The following IGSF9B variants were observed in gnomAD, a reference collection of about 807,000 sequenced individuals.
IGSF9B encodes immunoglobulin superfamily member 9B.
Under a neutral mutation model 143.7 loss-of-function variants are expected in IGSF9B, and 48 were observed. The observed-to-expected ratio is 0.33, with a 90% CI of 0.26 to 0.42. The LOEUF is 0.42. Ranked by LOEUF, IGSF9B falls within the 20% of genes least tolerant of loss-of-function variation. The probability of loss-of-function intolerance (pLI) is 1.00; values close to 1 mark genes in which losing one functional copy is unlikely to be tolerated. For missense variants in IGSF9B, 1,706 were observed against 1,980.0 expected, an observed-to-expected ratio of 0.86 and a Z score of 2.63; for synonymous variants, 903 against 833.1, an observed-to-expected ratio of 1.08 and a Z score of -1.44.
chr11:133,938,656 G>A (rs186305294), intron 3 of IGSF9B, among the ~76,000 whole-genome samples: 314 of 152,192 alleles, frequency 2.1e-3, no homozygotes, highest in Non-Finnish European at 4.0e-3. Context: ...GAAGCAATCC[G>A]GTCAATCTTA....
intron 18 of IGSF9B, among the ~76,000 whole-genome samples, chr11:133,915,338 G>A (rs1339979333): frequency 1.4e-5 from 2 of 139,478 alleles, no homozygotes; most frequent in Non-Finnish European, 3.0e-5. Flanking sequence ...GCGCAATCTC[G>A]GCTCACTGCT....
In IGSF9B at chr11:133,925,762, A is replaced by T; in HGVS notation, c.2011T>A (p.Phe671Ile). 6.2e-7 allele frequency: 1 copy of T among 1,613,454 alleles called. No individual in the cohort carries two copies. Among genetic ancestry groups the T allele is most frequent in the Non-Finnish European group, 8.5e-7 (1 of 1,179,764 alleles). Residue 671 changes from phenylalanine to isoleucine, a missense_variant, in exon 14 of 20, where the codon TTC becomes ATC. Physicochemically the swap from Phe to Ile is conservative, Grantham distance 21. Around this residue, in one of 7 missense-constraint regions of IGSF9B, gnomAD observed 267 missense variants for 321.1 expected, o/e 0.83. Transcript: ENST00000533871. The part of the protein sequence containing the change: ...DDGIPGTEGE[F>I]FAKDLSQDTW... ...ACCTGTGACAGATCCTTGGCAAAGAACTCTCCTTCGGTGCCGGGGATGCCA... is the reference window on the plus strand; with the variant it reads ...ACCTGTGACAGATCCTTGGCAAAGATCTCTCCTTCGGTGCCGGGGATGCCA...
Position 133,908,035 on chromosome 11 carries a change from C to A in IGSF9B, c.*1034G>T, listed in dbSNP as rs1275751358. Among the ~76,000 whole-genome samples, 1 of 152,222 alleles carries A rather than the reference C, an allele frequency of 6.6e-6. No homozygotes were observed. The highest frequency in any genetic ancestry group is 2.4e-5 in the African/African-American group (1 of 41,456). On this transcript the variant is annotated 3_prime_UTR_variant, in exon 20 of 20. Coordinates refer to ENST00000533871, the MANE Select transcript of IGSF9B (RefSeq NM_001277285.4). Reference sequence around the variant, plus strand: ...GAACAGCACTGCACAGAGTGCTGAGCCGGGGACGGTATAAATAGAGCCGGC... The same window carrying A: ...GAACAGCACTGCACAGAGTGCTGAGACGGGGACGGTATAAATAGAGCCGGC...
In IGSF9B at chr11:133,937,924, G is replaced by C; in HGVS notation, c.447C>G (p.Ile149Met). ...TGATACTACCACCCTCCTTGGCCTC[G>C]ATGTACTGGGGGGGTGTTTCTGTAA... ...PTFTETPPQYIEAKEGGSITM... is the reference protein window; with the variant it reads ...PTFTETPPQYMEAKEGGSITM... Residue 149 changes from isoleucine (I) to methionine (M), a missense_variant, in exon 4 of 20, where the codon ATC (isoleucine) becomes ATG (methionine). By Grantham distance (10) the Ile-to-Met change is conservative (BLOSUM62 1). Transcript: ENST00000533871. 1 of 1,612,754 alleles carries C rather than the reference G, an allele frequency of 6.2e-7. No individual in the cohort carries two copies. Among genetic ancestry groups the C allele is most frequent in the Non-Finnish European group, 8.5e-7 (1 of 1,179,404 alleles).
In IGSF9B at chr11:133,907,873, C is replaced by T. The variant is rs1476265020; in HGVS notation, c.*1196G>A. ...GCTCAGGTCCACCGGAGGACGAAGG[C>T]CCCGGGGCAGAGAAGAGTCGGCAGG... is the stretch of plus-strand genomic sequence containing the variant. On this transcript the variant is annotated 3_prime_UTR_variant, in exon 20 of 20. Transcript: ENST00000533871. Among the ~76,000 whole-genome samples, 1 of 152,202 alleles carries T rather than the reference C, an allele frequency of 6.6e-6. No individual in the cohort carries two copies. The highest frequency in any genetic ancestry group is 2.4e-5 in the African/African-American group (1 of 41,462).
In IGSF9B at chr11:133,919,962, T is replaced by G. The variant is rs1565421954; in HGVS notation, c.3763A>C (p.Thr1255Pro). ...CGGCTGCTCTGGGAGGGGGAGCCTG[T>G]GGACGGCGTAGACTTTCGAGAAAAG... Reference protein sequence around the residue: ...VSFSRKSTPSTGSPSQSSRSG... With the variant: ...VSFSRKSTPSPGSPSQSSRSG... Residue 1255 changes from threonine to proline, a missense_variant, in exon 18 of 20, where the codon ACA becomes CCA. By Grantham distance (38) the Thr-to-Pro change is conservative (BLOSUM62 -1). Coordinates refer to ENST00000533871, the MANE Select transcript of IGSF9B (RefSeq NM_001277285.4). The G allele has an allele frequency of 6.4e-7, 1 of 1,564,386 alleles. No individual in the cohort carries two copies. The highest frequency in any genetic ancestry group is 1.4e-5 in the African/African-American group (1 of 72,918).
Position 133,911,948 on chromosome 11 carries a change from T to C in IGSF9B, c.4043A>G (p.Tyr1348Cys). 2.0e-6 allele frequency: 3 copies of C among 1,535,012 alleles called. No individual in the cohort carries two copies. The highest frequency in any genetic ancestry group is 2.6e-6 in the Non-Finnish European group (3 of 1,146,556). Residue 1348 changes from tyrosine (Y) to cysteine (C), a missense_variant, in exon 19 of 20, where the codon TAC becomes TGC. Physicochemically the swap from Tyr to Cys is radical, Grantham distance 194. Around this residue, in one of 7 missense-constraint regions of IGSF9B, gnomAD observed 880 missense variants for 762.9 expected, o/e 1.15. Coordinates refer to ENST00000533871, the MANE Select transcript of IGSF9B (RefSeq NM_001277285.4). Reference sequence around the variant, plus strand: ...CTTTTTGGGCTTCTTTATCCGTTGGTATTTCAGAGCCTCCAGCCTCTCAGG... The same window carrying C: ...CTTTTTGGGCTTCTTTATCCGTTGGCATTTCAGAGCCTCCAGCCTCTCAGG... ...AAPERLEALK[Y>C]QRIKKPKKSS...
rs778030977 is a variant in IGSF9B at position 133,903,522 on chromosome 11, C to T, written c.*5547G>A. Among the ~76,000 whole-genome samples, 3 of 152,166 alleles carry T rather than the reference C, an allele frequency of 2.0e-5. No homozygotes were observed. The highest frequency in any genetic ancestry group is 4.4e-5 in the Non-Finnish European group (3 of 68,030). ...CAGAGTATATGGCAACCAAGATACC[C>T]AGACTCTTCCTTCTCTAAGATGTGA... On this transcript the variant is annotated 3_prime_UTR_variant, in exon 20 of 20. Coordinates refer to ENST00000533871, the MANE Select transcript of IGSF9B (RefSeq NM_001277285.4).
Position 133,920,381 on chromosome 11 carries a change from G to A in IGSF9B, c.3344C>T (p.Ala1115Val), listed in dbSNP as rs201459911. ...GKSPGRGPVP[A>V]PPAAKWQDRP... Reference sequence around the variant, plus strand: ...GTCCTGCCACTTGGCGGCGGGGGGCGCTGGGACAGGGCCCCTGCCGGGCGA... The same window carrying A: ...GTCCTGCCACTTGGCGGCGGGGGGCACTGGGACAGGGCCCCTGCCGGGCGA... Residue 1115 changes from alanine to valine, a missense_variant, in exon 18 of 20, where the codon GCG becomes GTG. Ala to Val is a moderately conservative substitution (Grantham distance 64, BLOSUM62 0). Transcript: ENST00000533871. The A allele has an allele frequency of 1.4e-3, 2,176 of 1,602,444 alleles. 7 individuals carry two copies. Among genetic ancestry groups the A allele is most frequent in the Non-Finnish European group, 1.2e-3 (1,358 of 1,175,156 alleles).
Position 133,945,507 on chromosome 11 carries a change from TGGGGG to T in IGSF9B, c.262+549_262+553del, listed in dbSNP as rs1940031010. 2.0e-5 allele frequency among the ~76,000 whole-genome samples: 3 copies of T among 151,966 alleles called. No homozygotes were observed. The highest frequency in any genetic ancestry group is 4.8e-5 in the African/African-American group (2 of 41,360). ...ACCCACGCCCTCCTCTCCCGCGGGCTGGGGGGCAGGCAGCGGCAGTGAGTCACGAG... is the reference window on the plus strand; with the variant it reads ...ACCCACGCCCTCCTCTCCCGCGGGCTGCAGGCAGCGGCAGTGAGTCACGAG... On this transcript the variant is annotated intron_variant, in intron 2 of 19. Transcript: ENST00000533871. This position sits in a 1 kb window ranked among gnomAD's most constrained non-coding sequence, Gnocchi z 4.6.
intron 18 of IGSF9B, 60 bp from the exon 19 acceptor site, chr11:133,912,067 G>T: frequency 6.8e-7 from 1 of 1,478,182 alleles, no homozygotes; most frequent in Non-Finnish European, 8.9e-7. Context: ...CTTTGGAAGA[G>T]GGGCTGGAAG....
Position 133,932,080 on chromosome 11 carries a change from C to A in IGSF9B, c.1101G>T (p.Gln367His), listed in dbSNP as rs201068678. The A allele has an allele frequency of 8.7e-6, 14 of 1,612,808 alleles. No individual in the cohort carries two copies. In the African/African-American group the frequency reaches 1.7e-4, roughly 20 times the overall value. ...TGCATCTCTCTAGCACCTTCTCAAC[C>A]TGCAGGGGACGGCCGTCCTTGTTCC... Reference protein sequence around the residue: ...VKWNKDGRPLQVEKNLGWTLM... With the variant: ...VKWNKDGRPLHVEKNLGWTLM... Residue 367 changes from glutamine to histidine, a missense_variant, in exon 8 of 20, where the codon CAG becomes CAT. By Grantham distance (24) the Gln-to-His change is conservative. Transcript: ENST00000533871.
chr11:133,901,992 TCACA>T lies in IGSF9B; in HGVS notation c.*7073_*7076del, dbSNP rs774684363. On this transcript the variant is annotated 3_prime_UTR_variant, in exon 20 of 20. Transcript: ENST00000533871. ...ATCACACACATGCACACCAGACACA[TCACA>T]CACACACACACACCAGACATACACA... 1.4e-3 allele frequency among the ~76,000 whole-genome samples: 134 copies of T among 99,246 alleles called. 1 individual carries two copies. The highest frequency in any genetic ancestry group is 2.2e-3 in the African/African-American group (47 of 21,676). The allele number at this position is 99,246 out of a possible 152,430, so 65.1% of individuals were successfully genotyped here.
In IGSF9B at chr11:133,948,453, C is replaced by T. The variant is rs1940098418; in HGVS notation, c.65-2195G>A. ...GCTTCAGGCTAAGTTTGCAACCCAG[C>T]CCCTCAGGGAAAGCAGGGAGAGTGC... On this transcript the variant is annotated intron_variant, in intron 1 of 19. Transcript: ENST00000533871. This position sits in a 1 kb window ranked among gnomAD's most constrained non-coding sequence, Gnocchi z 4.7. Among the ~76,000 whole-genome samples the T allele has an allele frequency of 6.6e-6, 1 of 152,172 alleles. No individual in the cohort carries two copies. The highest frequency in any genetic ancestry group is 2.4e-5 in the African/African-American group (1 of 41,440).
rs2121352816 is a variant in IGSF9B at position 133,953,192 on chromosome 11, T to G, written c.64+3499A>C. On this transcript the variant is annotated intron_variant, in intron 1 of 19. Coordinates refer to ENST00000533871, the MANE Select transcript of IGSF9B (RefSeq NM_001277285.4). The surrounding 1 kb of genome is among the most constrained non-coding windows in gnomAD (Gnocchi z 4.2). ...CAGCGAGGCAGCCTCTGCTCCTCTG[T>G]AACCAGATTCCAGCCTTCTGTCTCA... Among the ~76,000 whole-genome samples, 1 of 152,274 alleles carries G rather than the reference T, an allele frequency of 6.6e-6. No homozygotes were observed. Among genetic ancestry groups the G allele is most frequent in the East Asian group, 1.9e-4 (1 of 5,172 alleles).
chr11:133,922,238 A>T lies in IGSF9B; in HGVS notation c.2282-16T>A. ...AGTGGAGGGTCTGGAAGGAAAGAGA[A>T]GGGGAGAGGCTGCTGAGGCCAAGCC... On this transcript the variant is annotated splice_polypyrimidine_tract_variant and intron_variant, in intron 16 of 19. Coordinates refer to ENST00000533871, the MANE Select transcript of IGSF9B (RefSeq NM_001277285.4). 1 of 1,611,008 alleles carries T rather than the reference A, an allele frequency of 6.2e-7. No homozygotes were observed. Among genetic ancestry groups the T allele is most frequent in the Non-Finnish European group, 8.5e-7 (1 of 1,178,506 alleles).
At position 133,919,895 on chromosome 11, in the gene IGSF9B, G is replaced by C. The variant is rs200373794; in HGVS notation, c.3830C>G (p.Thr1277Ser). The change falls in exon 18 of 20, where the codon ACT becomes AGT. Residue 1277 changes from threonine to serine, a missense_variant. By Grantham distance (58) the Thr-to-Ser change is moderately conservative (BLOSUM62 1). Transcript: ENST00000533871. ...PSYRPAMGFT[T>S]LATGYPSPPP... The stretch of plus-strand genomic sequence containing the variant: ...AGGGGAAGGGTAGCCGGTGGCCAGA[G>C]TGGTGAAGCCCATGGCGGGCCGGTA... 1,267 of 1,582,042 alleles carry C rather than the reference G, an allele frequency of 8.0e-4. 7 individuals carry two copies. The African/African-American group carries it at 0.016, about 20-fold the overall frequency.
chr11:133,909,210 GCAGA>G lies in IGSF9B; in HGVS notation c.4169_4172del (p.Val1390AlafsTer53). 4 of 1,535,892 alleles carry G rather than the reference GCAGA, an allele frequency of 2.6e-6. No homozygotes were observed. Among genetic ancestry groups the G allele is most frequent in the Non-Finnish European group, 3.5e-6 (4 of 1,146,730 alleles). ...GAGAATGTCTCTTCTTCTTTCGGAG[GCAGA>G]CAGCTTCATCGGGCCACAGAACCTG... On this transcript the variant is annotated frameshift_variant, in exon 20 of 20. Transcript: ENST00000533871. LOFTEE classifies it high-confidence loss of function. The surrounding 1 kb of genome is among the most constrained non-coding windows in gnomAD (Gnocchi z 4.2).
Position 133,904,092 on chromosome 11 carries a change from A to G in IGSF9B, c.*4977T>C, listed in dbSNP as rs1939178799. On this transcript the variant is annotated 3_prime_UTR_variant, in exon 20 of 20. Coordinates refer to ENST00000533871, the MANE Select transcript of IGSF9B (RefSeq NM_001277285.4). Reference sequence around the variant, plus strand: ...ATCAAAAGAAGAGAAAGTAAAGAGAAGGCCTCACGAAGCCACTGTGCAACT... The same window carrying G: ...ATCAAAAGAAGAGAAAGTAAAGAGAGGGCCTCACGAAGCCACTGTGCAACT... 6.6e-6 allele frequency among the ~76,000 whole-genome samples: 1 copy of G among 152,210 alleles called. No individual in the cohort carries two copies. The highest frequency in any genetic ancestry group is 1.5e-5 in the Non-Finnish European group (1 of 68,038).
Sources: gnomAD v4.1 joint callset for allele counts (sites outside exome capture counted in the v4.1 genomes callset) on GRCh38, gnomAD v4.1.1 for gene constraint, gnomAD v4.1.1 regional missense constraint, Gnocchi (gnomAD v3.1) non-coding constraint, MANE v1.5 for transcripts, NCBI Gene and HGNC (gene_info 2026-07-23, HGNC 2026-07-21) for gene names.